Variants in GRID2 observed in about 807,000 individuals in gnomAD.
GRID2 encodes glutamate receptor ionotropic, delta-2.
GRID2 carries 33 observed loss-of-function variants against 114.8 expected under a neutral mutation model. The ratio of observed to expected loss-of-function variants is 0.29; its 90% CI spans 0.22 to 0.38. GRID2 has a LOEUF of 0.38. Ranked by LOEUF, GRID2 falls within the 10% of genes least tolerant of loss-of-function variation. The pLI, the probability that GRID2 is intolerant of heterozygous loss-of-function variation, is 1.00. For synonymous variants in GRID2, 505 were observed against 449.9 expected, an observed-to-expected ratio of 1.12 and a Z score of -1.55; for missense variants, 1,184 against 1,257.7, an observed-to-expected ratio of 0.94 and a Z score of 0.89.
intron 14 of GRID2, among the ~76,000 whole-genome samples, chr4:93,634,017 G>A (rs930518326): frequency 1.3e-5 from 2 of 152,088 alleles, no homozygotes; most frequent in Admixed American, 1.3e-4. Context: ...CATAAAACCA[G>A]AAGTTAAACA....
At chr4:93,436,013 T>A (rs1023655290) in intron 10 of GRID2, among the ~76,000 whole-genome samples, 4 of 151,404 alleles carry the variant, frequency 2.6e-5, no homozygotes, top group African/African-American at 9.7e-5. Flanking sequence ...TTAAAAAAGG[T>A]ATTCTCTATC....
chr4:93,529,558 C>G (rs1560718545), intron 13 of GRID2, among the ~76,000 whole-genome samples: 2 of 152,140 alleles, frequency 1.3e-5, no homozygotes, highest in Non-Finnish European at 2.9e-5. Flanking sequence ...TTAGTCCAAG[C>G]AAGCCACTCA....
At chr4:92,314,106 T>C (rs1459142448) in intron 1 of GRID2, among the ~76,000 whole-genome samples, 2 of 152,104 alleles carry the variant, frequency 1.3e-5, no homozygotes, top group Non-Finnish European at 2.9e-5. Flanking sequence ...TTTTTCTTTT[T>C]CTTTTTCTTT....
chr4:93,239,738 A>C (rs1050301556), intron 8 of GRID2, among the ~76,000 whole-genome samples: 3 of 151,612 alleles, frequency 2.0e-5, no homozygotes, highest in Non-Finnish European at 4.4e-5. Context: ...CAACCCTCCC[A>C]TATGCTTCTC....
chr4:92,399,933 A>G (rs1730707240), intron 1 of GRID2, among the ~76,000 whole-genome samples: 1 of 151,786 alleles, frequency 6.6e-6, no homozygotes, highest in Admixed American at 6.6e-5. Flanking sequence ...ATATTATTTC[A>G]TTGTGATTAG....
chr4:93,109,137 C>T (rs1345676435), intron 3 of GRID2, among the ~76,000 whole-genome samples: 1 of 152,154 alleles, frequency 6.6e-6, no homozygotes, highest in Non-Finnish European at 1.5e-5. Context: ...GAGTCTTACA[C>T]CTTTATGTAC....
At chr4:92,442,452 A>G (rs1733160829) in intron 1 of GRID2, among the ~76,000 whole-genome samples, 1 of 151,908 alleles carries the variant, frequency 6.6e-6, no homozygotes, top group African/African-American at 2.4e-5. Flanking sequence ...GAGGTTCTGG[A>G]GGAACGCCTG....
At chr4:92,694,417 C>T (rs1028915887) in intron 2 of GRID2, among the ~76,000 whole-genome samples, 1 of 152,150 alleles carries the variant, frequency 6.6e-6, no homozygotes, top group Non-Finnish European at 1.5e-5. Context: ...AAGTTTTGTC[C>T]TTCCATCTGT....
intron 8 of GRID2, among the ~76,000 whole-genome samples, chr4:93,273,480 C>A (rs370725507): frequency 4.6e-5 from 7 of 151,804 alleles, no homozygotes; most frequent in African/African-American, 1.5e-4. Context: ...CAAAAAATAT[C>A]CATGCCCCAA....
rs184490234 is a variant in GRID2 at position 92,762,362 on chromosome 4, T to C, written c.244+172076T>C. Among the ~76,000 whole-genome samples, 129 of 152,248 alleles carry C rather than the reference T, an allele frequency of 8.5e-4. 1 individual carries two copies. Among genetic ancestry groups the C allele is most frequent in the Admixed American group, 6.0e-3 (92 of 15,292 alleles). On this transcript the variant is annotated intron_variant, in intron 2 of 15. Transcript: ENST00000282020. ...CATTTCTTCCAAGTAGACTAAGCTT[T>C]AGTGTAGAGTCAAATGAATACTCCT...
rs1320090236 is a variant in GRID2, at chr4:92,411,649, G to GTATATATA, written c.88+106906_88+106907insATATATAT. ...CATGTGTGTGTGTGTGTGTGTGTGT[G>GTATATATA]TGTGTGTATATATATATATATATAT... On this transcript the variant is annotated intron_variant, in intron 1 of 15. Coordinates refer to ENST00000282020, the MANE Select transcript of GRID2 (RefSeq NM_001510.4). Among the ~76,000 whole-genome samples the GTATATATA allele has an allele frequency of 3.6e-3, 339 of 94,778 alleles. 2 individuals carry two copies. The highest frequency in any genetic ancestry group is 6.1e-3 in the South Asian group (19 of 3,094). The allele number at this position is 94,778 out of a possible 152,430, so 62.2% of individuals were successfully genotyped here. A position where few individuals can be genotyped will look rare whatever the true frequency, so the allele number is the denominator to read the frequency against.
At chr4:93,712,573 TC>T (rs1728576859) in intron 14 of GRID2, among the ~76,000 whole-genome samples, 1 of 152,122 alleles carries the variant, frequency 6.6e-6, no homozygotes, top group Admixed American at 6.6e-5. Context: ...CCCCTTCTCC[TC>T]CCCAAAATTA....
At chr4:93,329,473 A>C (rs1320963544) in intron 8 of GRID2, among the ~76,000 whole-genome samples, 5 of 152,284 alleles carry the variant, frequency 3.3e-5, no homozygotes, top group African/African-American at 9.6e-5. Flanking sequence ...GAGTCATGTT[A>C]TCAATACATT....
At chr4:92,319,093 A>G (rs36116627) in intron 1 of GRID2, among the ~76,000 whole-genome samples, 9,975 of 152,258 alleles carry the variant, frequency 0.066, 369 homozygotes, top group Middle Eastern at 0.14. Flanking sequence ...TTACACTACA[A>G]TTATTACCTT....
chr4:92,611,104 A>G (rs13120919), intron 2 of GRID2, among the ~76,000 whole-genome samples: 5 of 137,512 alleles, frequency 3.6e-5, no homozygotes, highest in Non-Finnish European at 8.1e-5. Flanking sequence ...GTGTGTGTGT[A>G]TATGTGTGTG....
Position 92,600,055 on chromosome 4 carries a change from T to A in GRID2, c.244+9769T>A, listed in dbSNP as rs866680641. Among the ~76,000 whole-genome samples, 385 of 115,070 alleles carry A rather than the reference T, an allele frequency of 3.3e-3. 4 individuals carry two copies. The highest frequency in any genetic ancestry group is 4.1e-3 in the Middle Eastern group (1 of 246). 75.5% of individuals were successfully genotyped at this position (115,070 alleles called of 152,430 possible). A position where few individuals can be genotyped will look rare whatever the true frequency, so the allele number is the denominator to read the frequency against. On this transcript the variant is annotated intron_variant, in intron 2 of 15. Transcript: ENST00000282020. ...GTGTGTGTGTGTGTGTATATATATA[T>A]ATATATATATATATATATATATATA...
intron 6 of GRID2, among the ~76,000 whole-genome samples, chr4:93,221,348 G>A (rs1875705): frequency 0.45 from 68,809 of 152,036 alleles, 16,881 homozygotes; most frequent in Middle Eastern, 0.65. Context: ...GCAAGCCACA[G>A]ATGGTGTCAA....
chr4:93,022,639 C>G (rs183551831), intron 2 of GRID2, among the ~76,000 whole-genome samples: 1 of 151,910 alleles, frequency 6.6e-6, no homozygotes, highest in Non-Finnish European at 1.5e-5. Context: ...CACAAAATTG[C>G]ATCTTAATTT....
At position 92,557,261 on chromosome 4, in the gene GRID2, A is replaced by G. The variant is rs150068509; in HGVS notation, c.89-32870A>G. 7.9e-5 allele frequency among the ~76,000 whole-genome samples: 12 copies of G among 152,058 alleles called. No homozygotes were observed. The East Asian group carries it at 2.3e-3, about 29-fold the overall frequency. ...AGTAACCAGATTTTCAAATTCTACT[A>G]TAGACACTTGTAAACACAAACATTC... On this transcript the variant is annotated intron_variant, in intron 1 of 15. Coordinates refer to ENST00000282020, the MANE Select transcript of GRID2 (RefSeq NM_001510.4).
Sources: gnomAD v4.1 joint callset for allele counts (sites outside exome capture counted in the v4.1 genomes callset) on GRCh38, gnomAD v4.1.1 for gene constraint, MANE v1.5 for transcripts, NCBI Gene and HGNC (gene_info 2026-07-23, HGNC 2026-07-21) for gene names.